The following TENM1 variants were observed in gnomAD, a reference collection of about 807,000 sequenced individuals.
The protein encoded by TENM1 is teneurin transmembrane protein 1.
In TENM1, 35 loss-of-function variants were observed where a neutral mutation model predicts 174.8. That is an observed-to-expected ratio of 0.20 (90% CI 0.15 to 0.27). The LOEUF is 0.27. Ranked by LOEUF, TENM1 falls within the 10% of genes least tolerant of loss-of-function variation. The pLI is 1.00. For missense variants in TENM1, 1,633 were observed against 2,130.1 expected (o/e 0.77, Z 4.59); for synonymous variants, 781 against 798.7 (o/e 0.98, Z 0.37).
chrX:125,149,772 CCT>C, the TENM1 span, among the ~76,000 whole-genome samples: 6 of 110,884 alleles, frequency 5.4e-5, no homozygotes, highest in Non-Finnish European at 1.1e-4. Context: ...GTAAGAATAC[CCT>C]GATAAAAGAA....
intron 11 of TENM1, among the ~76,000 whole-genome samples, chrX:124,624,279 T>G (rs1320962034): frequency 9.0e-6 from 1 of 111,677 alleles, no homozygotes; most frequent in Non-Finnish European, 1.9e-5. Context: ...ATATCTTCCC[T>G]CACTGGGAAT....
chrX:124,412,344 GT>G lies in TENM1; in HGVS notation c.4983-5856del, dbSNP rs2060546636. Among the ~76,000 whole-genome samples the G allele has an allele frequency of 2.7e-5, 3 of 112,597 alleles. No individual in the cohort carries two copies. In the Admixed American group the frequency reaches 2.8e-4, roughly 11 times the overall value. ...CATTCTTGTCCTTGAGAAGCATATA[GT>G]TTAGTTGGAGAGATGATATTTACAC... On this transcript the variant is annotated intron_variant, in intron 25 of 31. Transcript: ENST00000422452.
At chrX:124,767,687 C>T (rs2054565890) in intron 3 of TENM1, among the ~76,000 whole-genome samples, 1 of 110,908 alleles carries the variant, frequency 9.0e-6, no homozygotes, top group Non-Finnish European at 1.9e-5. Context: ...AAGGAGCTGG[C>T]TGATTTGGTC....
chrX:124,772,583 T>C (rs1045167285), intron 3 of TENM1, among the ~76,000 whole-genome samples: 1 of 112,160 alleles, frequency 8.9e-6, no homozygotes, highest in East Asian at 2.8e-4. Context: ...AGTGTAAACA[T>C]TTTTTAAAAA....
At chrX:124,563,617 T>C in intron 13 of TENM1, 132 bp downstream of exon 16, 2 of 489,048 alleles carry the variant, frequency 4.1e-6, no homozygotes, top group South Asian at 8.4e-5. Context: ...CTGACAACAT[T>C]ATATTTAAAT....
chrX:125,154,780 G>C, the TENM1 span, among the ~76,000 whole-genome samples: 14 of 110,054 alleles, frequency 1.3e-4, no homozygotes, highest in Non-Finnish European at 7.6e-5. Flanking sequence ...CAGGAGTGAA[G>C]CTGCAGACTT....
chrX:125,203,135 C>A, the TENM1 span, among the ~76,000 whole-genome samples: 2 of 112,954 alleles, frequency 1.8e-5, no homozygotes, highest in African/African-American at 6.4e-5. Context: ...GGGCCCTCGA[C>A]GGCGGCGTAG....
chrX:125,190,221 C>T, the TENM1 span, among the ~76,000 whole-genome samples: 1,937 of 111,831 alleles, frequency 0.017, 56 homozygotes, highest in African/African-American at 0.059. Context: ...GCTGAAGCTT[C>T]TTTTCTTTCT....
intron 1 of TENM1, among the ~76,000 whole-genome samples, chrX:124,945,083 A>C (rs2058382551): frequency 8.9e-6 from 1 of 111,762 alleles, no homozygotes; most frequent in Admixed American, 9.5e-5. Flanking sequence ...GGAGGGTTGT[A>C]ATTTTCAATA....
chrX:124,867,939 C>A (rs1325485646), intron 3 of TENM1, among the ~76,000 whole-genome samples: 1 of 111,291 alleles, frequency 9.0e-6, no homozygotes, highest in Non-Finnish European at 1.9e-5. Context: ...TGAAAGATCT[C>A]TATAATGAAA....
chrX:124,482,888 C>T (rs928801966), intron 21 of TENM1, among the ~76,000 whole-genome samples: 1 of 112,065 alleles, frequency 8.9e-6, no homozygotes, highest in Non-Finnish European at 1.9e-5. Flanking sequence ...ATCATCCAAA[C>T]CCCAAATGTG....
intron 23 of TENM1, among the ~76,000 whole-genome samples, chrX:124,443,727 A>G (rs1025594955): frequency 1.8e-5 from 2 of 111,875 alleles, no homozygotes; most frequent in African/African-American, 6.5e-5. Context: ...GTTTACAGAC[A>G]CTGTGACTAG....
the TENM1 span, among the ~76,000 whole-genome samples, chrX:125,129,272 G>A: frequency 6.3e-5 from 7 of 111,858 alleles, no homozygotes; most frequent in East Asian, 1.4e-3. Flanking sequence ...CTAAGACAGC[G>A]CTCATATCCA....
chrX:124,548,083 A>G (rs914372572), intron 14 of TENM1, among the ~76,000 whole-genome samples: 4 of 111,480 alleles, frequency 3.6e-5, no homozygotes, highest in Non-Finnish European at 7.5e-5. Flanking sequence ...TGATCCGCCC[A>G]CCTCGGCCTC....
At chrX:124,972,535 G>C in the TENM1 span, among the ~76,000 whole-genome samples, 1 of 111,988 alleles carries the variant, frequency 8.9e-6, no homozygotes, top group South Asian at 3.7e-4. Context: ...ATTATAGTTT[G>C]ATTGAATTCT....
chrX:124,644,210 C>T lies in TENM1; in HGVS notation c.1876+933G>A, dbSNP rs779897875. Among the ~76,000 whole-genome samples the T allele has an allele frequency of 5.8e-3, 558 of 95,596 alleles. 6 individuals carry two copies. The highest frequency in any genetic ancestry group is 0.021 in the African/African-American group (541 of 25,736). The allele number at this position is 95,596 out of a possible 115,157, so 83.0% of individuals were successfully genotyped here. A position where few individuals can be genotyped will look rare whatever the true frequency, so the allele number is the denominator to read the frequency against. ...ACATATATATATAAATTTACATATA[C>T]ATATATATATATATATGGCAGATAT... On this transcript the variant is annotated intron_variant, in intron 10 of 31. Transcript: ENST00000422452.
At chrX:125,128,307 T>G in the TENM1 span, among the ~76,000 whole-genome samples, 7 of 111,883 alleles carry the variant, frequency 6.3e-5, no homozygotes, top group Non-Finnish European at 1.3e-4. Flanking sequence ...AGACTGAGTT[T>G]CAATTTAAAT....
chrX:124,735,956 G>C (rs1312326797), intron 4 of TENM1, among the ~76,000 whole-genome samples: 1 of 111,041 alleles, frequency 9.0e-6, no homozygotes, highest in Non-Finnish European at 1.9e-5. Flanking sequence ...GGGGAGTGAG[G>C]GTTAGAAAAT....
chrX:124,647,741 G>A (rs1001433845), intron 8 of TENM1, among the ~76,000 whole-genome samples: 1 of 109,549 alleles, frequency 9.1e-6, no homozygotes, highest in Non-Finnish European at 1.9e-5. Context: ...GTGTGTGTGT[G>A]TGTGTGTGTG....
Sources: allele counts gnomAD v4.1 joint callset (sites outside exome capture counted in the v4.1 genomes callset), GRCh38; gene constraint gnomAD v4.1.1; transcripts MANE v1.5; gene names NCBI Gene and HGNC (gene_info 2026-07-23, HGNC 2026-07-21).